Variants in CBFA2T2 observed in about 807,000 individuals in gnomAD.
CBFA2T2 encodes protein CBFA2T2.
A neutral mutation model predicts 62.2 loss-of-function variants in CBFA2T2; 11 were observed. The ratio of observed to expected loss-of-function variants is 0.18; its 90% confidence interval spans 0.11 to 0.29. CBFA2T2 has a LOEUF of 0.29. Among genes scored for constraint, CBFA2T2 ranks in the 10% least tolerant of loss-of-function variants. The pLI is 1.00. For synonymous variants in CBFA2T2, 295 were observed against 287.5 expected (o/e 1.03, Z -0.27); for missense variants, 592 against 774.1 (o/e 0.76, Z 2.79).
At chr20:33,598,747 A>G (rs904143864) in intron 1 of CBFA2T2, among the ~76,000 whole-genome samples, 1 of 152,196 alleles carries the variant, frequency 6.6e-6, no homozygotes, top group African/African-American at 2.4e-5. Flanking sequence ...AATCTTTACA[A>G]TTTATGTTTA....
intron 1 of CBFA2T2, among the ~76,000 whole-genome samples, chr20:33,497,428 A>G (rs575995256): frequency 2.8e-4 from 42 of 151,808 alleles, no homozygotes; most frequent in African/African-American, 2.7e-4. Flanking sequence ...CCTTGTGCCT[A>G]TCTTGTACCC....
intron 1 of CBFA2T2, chr20:33,573,996 CCAGGTGGGTCT>C (rs1341351511): frequency 4.2e-6 from 3 of 717,326 alleles, no homozygotes; most frequent in Non-Finnish European, 6.1e-6. Flanking sequence ...GCCATGTTGC[CCAGGTGGGTCT>C]CAAACTCCTG....
chr20:33,552,798 A>G (rs1224966148), intron 1 of CBFA2T2, among the ~76,000 whole-genome samples: 1 of 152,056 alleles, frequency 6.6e-6, no homozygotes, highest in African/African-American at 2.4e-5. Flanking sequence ...ATACATGCTG[A>G]CTTCCTCCTG....
At chr20:33,584,432 T>A (rs1021964856) in intron 1 of CBFA2T2, among the ~76,000 whole-genome samples, 2 of 151,822 alleles carry the variant, frequency 1.3e-5, no homozygotes, top group African/African-American at 4.8e-5. Flanking sequence ...TTTTTTGGTA[T>A]TTTTAGTAGA....
chr20:33,566,562 T>C (rs922965844), intron 1 of CBFA2T2, among the ~76,000 whole-genome samples: 2 of 151,500 alleles, frequency 1.3e-5, no homozygotes, highest in Non-Finnish European at 2.9e-5. Context: ...GCTGAGATCA[T>C]GCCACTGTAC....
At chr20:33,535,986 G>A (rs1279669047) in intron 1 of CBFA2T2, among the ~76,000 whole-genome samples, 1 of 152,176 alleles carries the variant, frequency 6.6e-6, no homozygotes, top group Admixed American at 6.5e-5. Context: ...AGGGTTGGGG[G>A]TAAGGTCACC....
At position 33,591,179 on chromosome 20, in the gene CBFA2T2, C is replaced by CA. The variant is rs80021195; in HGVS notation, c.35-15767dup. ...GGGCAACAAGAGTGAAACTCCCTCT[C>CA]AAAAAAAAAAGTACTGATGAATAGC... On this transcript the variant is annotated intron_variant, in intron 1 of 10. Transcript: ENST00000342704. 2.4e-4 allele frequency among the ~76,000 whole-genome samples: 20 copies of CA among 82,038 alleles called. 1 individual carries two copies. The highest frequency in any genetic ancestry group is 6.4e-4 in the African/African-American group (9 of 14,084). The allele number at this position is 82,038 out of a possible 152,430, so 53.8% of individuals were successfully genotyped here.
rs558042690 is a variant in CBFA2T2, at chr20:33,536,707, C to T, written c.34+46406C>T. Among the ~76,000 whole-genome samples, 7 of 150,944 alleles carry T rather than the reference C, an allele frequency of 4.6e-5. No individual in the cohort carries two copies. In the South Asian group the frequency reaches 8.4e-4, roughly 18 times the overall value. On this transcript the variant is annotated intron_variant, in intron 1 of 10. Coordinates refer to ENST00000342704, the MANE Select transcript of CBFA2T2 (RefSeq NM_001032999.3). ...CTCACCTCCCAGACGGGGTCGCAGC[C>T]GGGTGCTCTCACATCCCAGACGGGG...
At chr20:33,529,829 G>T (rs2012005912) in intron 1 of CBFA2T2, among the ~76,000 whole-genome samples, 1 of 146,854 alleles carries the variant, frequency 6.8e-6, no homozygotes, top group Non-Finnish European at 1.5e-5. Flanking sequence ...TTGTTACACA[G>T]GCTGGAGTGC....
At chr20:33,518,764 C>T (rs2011649426) in intron 1 of CBFA2T2, among the ~76,000 whole-genome samples, 1 of 150,106 alleles carries the variant, frequency 6.7e-6, no homozygotes, top group Admixed American at 6.6e-5. Context: ...AAGAGCGAAA[C>T]TCCTTCTCCA....
At chr20:33,642,603 T>TA (rs561925371) in intron 10 of CBFA2T2, among the ~76,000 whole-genome samples, 171 of 141,538 alleles carry the variant, frequency 1.2e-3, no homozygotes, top group East Asian at 2.0e-3. Context: ...CCCATCTCTT[T>TA]AAAAAAAAAA....
chr20:33,595,281 G>A (rs2014836344), intron 1 of CBFA2T2, among the ~76,000 whole-genome samples: 1 of 151,926 alleles, frequency 6.6e-6, no homozygotes, highest in African/African-American at 2.4e-5. Context: ...GCCCAATCCC[G>A]GCTCACTGCA....
At chr20:33,612,794 A>T (rs563277310) in intron 3 of CBFA2T2, among the ~76,000 whole-genome samples, 5 of 152,374 alleles carry the variant, frequency 3.3e-5, no homozygotes, top group Non-Finnish European at 5.9e-5. Flanking sequence ...TTATTGCCTT[A>T]AAAAATTTCT....
Position 33,567,260 on chromosome 20 carries a change from G to A in CBFA2T2, c.35-39696G>A, listed in dbSNP as rs539930816. 4.6e-5 allele frequency among the ~76,000 whole-genome samples: 7 copies of A among 152,310 alleles called. No homozygotes were observed. In the East Asian group the frequency reaches 5.8e-4, roughly 13 times the overall value. On this transcript the variant is annotated intron_variant, in intron 1 of 10. Transcript: ENST00000342704. ...TGTGTTTTGTTTAAAGCAACAGCTCGTGGAAATCCTGTTATCGTTCAATCC... is the reference window on the plus strand; with the variant it reads ...TGTGTTTTGTTTAAAGCAACAGCTCATGGAAATCCTGTTATCGTTCAATCC...
At chr20:33,569,134 T>G (rs543373451) in intron 1 of CBFA2T2, among the ~76,000 whole-genome samples, 1 of 152,320 alleles carries the variant, frequency 6.6e-6, no homozygotes, top group South Asian at 2.1e-4. Context: ...ACCCATAATA[T>G]TCAAGCAAAT....
chr20:33,614,114 CAA>C (rs35963316), intron 3 of CBFA2T2, among the ~76,000 whole-genome samples: 22 of 102,388 alleles, frequency 2.1e-4, no homozygotes, highest in Admixed American at 1.1e-3. Context: ...GACTCCGTCT[CAA>C]AAAAAAAAAA....
At chr20:33,578,120 G>A (rs544823077) in intron 1 of CBFA2T2, among the ~76,000 whole-genome samples, 5 of 152,158 alleles carry the variant, frequency 3.3e-5, no homozygotes, top group African/African-American at 1.2e-4. Context: ...TGGTCAGTTG[G>A]TCACAAATAA....
At chr20:33,542,079 G>A (rs866940420) in intron 1 of CBFA2T2, among the ~76,000 whole-genome samples, 20 of 152,150 alleles carry the variant, frequency 1.3e-4, no homozygotes, top group African/African-American at 3.9e-4. Context: ...GGAGTCACCT[G>A]AAGAACTTAT....
chr20:33,546,761 T>C (rs1472879163), intron 1 of CBFA2T2, among the ~76,000 whole-genome samples: 3 of 151,988 alleles, frequency 2.0e-5, no homozygotes, highest in African/African-American at 7.2e-5. Context: ...TCCTAAAGTG[T>C]TGGGATTACA....
Sources: allele counts gnomAD v4.1 joint callset (sites outside exome capture counted in the v4.1 genomes callset), GRCh38; gene constraint gnomAD v4.1.1; transcripts MANE v1.5; gene names NCBI Gene and HGNC (gene_info 2026-07-23, HGNC 2026-07-21).